Variants in NXPE2 observed in about 807,000 individuals in gnomAD.
The protein encoded by NXPE2 is NXPE family member 2.
In NXPE2, 34 loss-of-function variants were observed where a neutral mutation model predicts 34.4. The ratio of observed to expected loss-of-function variants is 0.99; its 90% CI spans 0.75 to 1.31. The LOEUF is 1.31. Among genes scored for constraint, NXPE2 ranks in the 40% most tolerant of loss-of-function variants. NXPE2 has a pLI of 0.00. For synonymous variants in NXPE2, 235 were observed against 231.3 expected (o/e 1.02, Z -0.15); for missense variants, 649 against 672.5 (o/e 0.97, Z 0.39).
chr11:114,586,616 C>T, the NXPE2 span, among the ~76,000 whole-genome samples: 1 of 152,220 alleles, frequency 6.6e-6, no homozygotes, highest in East Asian at 1.9e-4. Flanking sequence ...TACAGAGAGC[C>T]TTGCTGTCAT....
At chr11:114,535,680 A>C in the NXPE2 span, among the ~76,000 whole-genome samples, 1 of 152,248 alleles carries the variant, frequency 6.6e-6, no homozygotes, top group African/African-American at 2.4e-5. Context: ...CAAAAGAGAC[A>C]AAGAAGGCCA....
chr11:114,547,708 C>T, the NXPE2 span, among the ~76,000 whole-genome samples: 1 of 152,140 alleles, frequency 6.6e-6, no homozygotes, highest in Non-Finnish European at 1.5e-5. Context: ...GCACTCCAGC[C>T]TGGGTGTCAG....
chr11:114,544,574 A>C, the NXPE2 span, among the ~76,000 whole-genome samples: 2 of 152,186 alleles, frequency 1.3e-5, no homozygotes, highest in African/African-American at 4.8e-5. Context: ...AGAAAAGTTA[A>C]CTCTAAATGG....
chr11:114,539,589 C>CA, the NXPE2 span, among the ~76,000 whole-genome samples: 12 of 151,532 alleles, frequency 7.9e-5, no homozygotes, highest in Non-Finnish European at 1.5e-4. Context: ...AATTCTCTCT[C>CA]AAAAAAAATT....
At chr11:114,696,262 G>T (rs1327325279) in intron 2 of NXPE2, among the ~76,000 whole-genome samples, 1 of 148,954 alleles carries the variant, frequency 6.7e-6, no homozygotes, top group Non-Finnish European at 1.5e-5. Context: ...AGCCTGGTAG[G>T]TCAAGGATCC....
Position 114,698,117 on chromosome 11 carries a change from A to G in NXPE2, c.205A>G (p.Thr69Ala). 3 of 1,613,508 alleles carry G rather than the reference A, an allele frequency of 1.9e-6. No homozygotes were observed. The highest frequency in any genetic ancestry group is 1.7e-6 in the Non-Finnish European group (2 of 1,179,634). ...CTTCAAAAAATATTCACACTCTGAA[A>G]CACCACTGTGTCCAGCAGTTTCACC... ...NIFKKYSHSE[T>A]PLCPAVSPKE... Residue 69 changes from threonine (T) to alanine (A), a missense_variant, in exon 3 of 6, where the codon ACA becomes GCA. Transcript: ENST00000389586.
the NXPE2 span, among the ~76,000 whole-genome samples, chr11:114,800,995 T>C: frequency 7.9e-5 from 12 of 152,370 alleles, no homozygotes; most frequent in Middle Eastern, 3.4e-3. Context: ...AACTATTTTG[T>C]AGCTCTTGCG....
chr11:114,601,943 TA>T, the NXPE2 span, among the ~76,000 whole-genome samples: 13 of 83,280 alleles, frequency 1.6e-4, no homozygotes, highest in Admixed American at 9.2e-4. Context: ...ATATATTATA[TA>T]ATTATATATA....
chr11:114,580,325 T>C, the NXPE2 span: 1 of 1,613,928 alleles, frequency 6.2e-7, no homozygotes, highest in Admixed American at 1.7e-5. Flanking sequence ...TCTCTTTCAT[T>C]GCAACTGTTT....
chr11:114,579,691 A>G, the NXPE2 span, among the ~76,000 whole-genome samples: 5 of 152,234 alleles, frequency 3.3e-5, no homozygotes, highest in Non-Finnish European at 7.3e-5. Flanking sequence ...TTGACAGATG[A>G]GAAAACTGAG....
chr11:114,771,390 G>A, the NXPE2 span, among the ~76,000 whole-genome samples: 2 of 149,766 alleles, frequency 1.3e-5, no homozygotes, highest in Admixed American at 1.3e-4. Flanking sequence ...AGATAAAGGC[G>A]ACTTGTCAAG....
downstream of NXPE2, among the ~76,000 whole-genome samples, chr11:114,707,956 G>A (rs1565393779): frequency 6.6e-6 from 1 of 152,076 alleles, no homozygotes; most frequent in African/African-American, 2.4e-5. Flanking sequence ...ATCGACATTT[G>A]GGTTGTTTCC....
chr11:114,537,618 G>A, the NXPE2 span, among the ~76,000 whole-genome samples: 2 of 152,288 alleles, frequency 1.3e-5, no homozygotes, highest in South Asian at 4.1e-4. Flanking sequence ...AAAATCACGA[G>A]CATTCTTATA....
the NXPE2 span, among the ~76,000 whole-genome samples, chr11:114,636,000 C>T: frequency 6.6e-6 from 1 of 151,960 alleles, no homozygotes; most frequent in Admixed American, 6.6e-5. Context: ...AGGGAGGATT[C>T]CCTCTTTTTC....
chr11:114,607,332 A>G, the NXPE2 span, among the ~76,000 whole-genome samples: 1 of 151,840 alleles, frequency 6.6e-6, no homozygotes, highest in Admixed American at 6.6e-5. Flanking sequence ...TAGCCCGTTG[A>G]TACTAAGTAT....
the NXPE2 span, among the ~76,000 whole-genome samples, chr11:114,741,848 T>G: frequency 2.0e-5 from 3 of 152,214 alleles, no homozygotes; most frequent in African/African-American, 7.2e-5. Flanking sequence ...GGGGTTCCAT[T>G]GATGATGTCC....
the NXPE2 span, among the ~76,000 whole-genome samples, chr11:114,627,835 C>A: frequency 1.3e-4 from 20 of 150,858 alleles, no homozygotes; most frequent in Non-Finnish European, 2.5e-4. Flanking sequence ...ATCTACCAAG[C>A]AAATGGAAAA....
chr11:114,614,335 T>C, the NXPE2 span, among the ~76,000 whole-genome samples: 1 of 151,710 alleles, frequency 6.6e-6, no homozygotes, highest in South Asian at 2.1e-4. Flanking sequence ...GGTTACCTGA[T>C]GGATAATAAG....
the NXPE2 span, among the ~76,000 whole-genome samples, chr11:114,782,437 C>G: frequency 1.3e-5 from 2 of 152,198 alleles, no homozygotes; most frequent in African/African-American, 4.8e-5. Flanking sequence ...GAAAAGGCAC[C>G]AAACTCCACC....
Sources: allele counts gnomAD v4.1 joint callset (sites outside exome capture counted in the v4.1 genomes callset), GRCh38; gene constraint gnomAD v4.1.1; transcripts MANE v1.5; gene names NCBI Gene and HGNC (gene_info 2026-07-23, HGNC 2026-07-21).